MBD5: variants seen among roughly 807,000 people sequenced by gnomAD.
MBD5 encodes the protein methyl-CpG-binding domain protein 5.
A neutral mutation model predicts 117.3 loss-of-function variants in MBD5; 13 were observed. The ratio of observed to expected loss-of-function variants is 0.11; its 90% CI spans 0.07 to 0.18. MBD5 has a LOEUF of 0.18. Among genes scored for constraint, MBD5 ranks in the 10% least tolerant of loss-of-function variants. The probability of loss-of-function intolerance (pLI) is 1.00; values close to 1 mark genes in which losing one functional copy is unlikely to be tolerated. For synonymous variants in MBD5, 727 were observed against 766.4 expected (o/e 0.95, Z 0.85); for missense variants, 1,879 against 2,093.8 (o/e 0.90, Z 2.00).
intron 4 of MBD5, among the ~76,000 whole-genome samples, chr2:148,435,243 G>T (rs979505803): frequency 3.3e-5 from 5 of 151,772 alleles, no homozygotes; most frequent in African/African-American, 1.2e-4. Context: ...TTTTAATTGG[G>T]GCATTTCGTC....
intron 1 of MBD5, among the ~76,000 whole-genome samples, chr2:148,154,792 G>T: frequency 6.6e-6 from 1 of 152,218 alleles, no homozygotes; most frequent in Admixed American, 6.5e-5. Context: ...GCTTCGGCTC[G>T]CGCACGGTGC....
intron 3 of MBD5, among the ~76,000 whole-genome samples, chr2:148,245,850 A>G (rs570295543): frequency 1.3e-5 from 2 of 152,328 alleles, no homozygotes; most frequent in South Asian, 4.1e-4. Flanking sequence ...GACATTAAGT[A>G]AACTAAGAGG....
rs759004187 is a variant in MBD5, at chr2:148,462,699, A to G, written c.216+15A>G. 13 of 1,471,670 alleles carry G rather than the reference A, an allele frequency of 8.8e-6. No individual in the cohort carries two copies. The highest frequency in any genetic ancestry group is 5.7e-5 in the South Asian group (5 of 88,196). 91.2% of individuals were successfully genotyped at this position (1,471,670 alleles called of 1,614,324 possible). On this transcript the variant is annotated intron_variant, in intron 6 of 13. Transcript: ENST00000642680. The stretch of plus-strand genomic sequence containing the variant: ...TTCTTCCCAAGGTAACCATTTCACA[A>G]TAGATCTACAGCAGTGTTTTATTTT...
intron 1 of MBD5, among the ~76,000 whole-genome samples, chr2:148,158,980 C>A (rs551458304): frequency 6.6e-6 from 1 of 152,320 alleles, no homozygotes; most frequent in African/African-American, 2.4e-5. Flanking sequence ...CCTTGGCCTC[C>A]CAAAGTGCTG....
intron 2 of MBD5, among the ~76,000 whole-genome samples, chr2:148,206,138 TAG>T (rs534092377): frequency 6.8e-6 from 1 of 147,788 alleles, no homozygotes; most frequent in Non-Finnish European, 1.5e-5. Flanking sequence ...AAAAAAAAAA[TAG>T]AGAGACACAC....
intron 1 of MBD5, among the ~76,000 whole-genome samples, chr2:148,040,235 A>G (rs1326390709): frequency 2.6e-5 from 4 of 152,174 alleles, no homozygotes; most frequent in African/African-American, 9.7e-5. Context: ...ACATGGTGGC[A>G]CGAGCCTGTA....
At chr2:148,155,043 C>T (rs1319336352) in intron 1 of MBD5, among the ~76,000 whole-genome samples, 1 of 152,162 alleles carries the variant, frequency 6.6e-6, no homozygotes, top group East Asian at 1.9e-4. Flanking sequence ...ATATTTACCT[C>T]TCCAGAAAGG....
chr2:148,327,441 A>C (rs1702488434), intron 3 of MBD5, among the ~76,000 whole-genome samples: 1 of 151,898 alleles, frequency 6.6e-6, no homozygotes, highest in Non-Finnish European at 1.5e-5. Flanking sequence ...TTTCCTGCAG[A>C]GGGGGGGTTC....
At chr2:148,203,888 C>T (rs1574133063) in intron 2 of MBD5, among the ~76,000 whole-genome samples, 1 of 152,276 alleles carries the variant, frequency 6.6e-6, no homozygotes, top group Non-Finnish European at 1.5e-5. Flanking sequence ...CACTGCAGAG[C>T]CCTTTACCAT....
intron 4 of MBD5, among the ~76,000 whole-genome samples, chr2:148,397,689 A>G (rs1398080841): frequency 6.6e-6 from 1 of 152,068 alleles, no homozygotes; most frequent in Non-Finnish European, 1.5e-5. Context: ...TTCAGGGTAC[A>G]TGTGCACAAC....
At chr2:148,394,909 C>T (rs1237333455) in intron 4 of MBD5, among the ~76,000 whole-genome samples, 11 of 152,152 alleles carry the variant, frequency 7.2e-5, no homozygotes, top group Admixed American at 4.6e-4. Flanking sequence ...TTCCTAAGAT[C>T]AATGAAGTTT....
At chr2:148,174,748 T>C (rs189806169) in intron 1 of MBD5, among the ~76,000 whole-genome samples, 95 of 151,044 alleles carry the variant, frequency 6.3e-4, no homozygotes, top group South Asian at 1.0e-3. Flanking sequence ...TCTGTAATGA[T>C]ATATAATTTC....
intron 1 of MBD5, among the ~76,000 whole-genome samples, chr2:148,163,849 G>C (rs2105761044): frequency 6.6e-6 from 1 of 152,214 alleles, no homozygotes; most frequent in South Asian, 2.1e-4. Flanking sequence ...GTTGAGTTGA[G>C]ATAAAAACTG....
At chr2:148,443,974 T>C (rs1169776776) in intron 4 of MBD5, among the ~76,000 whole-genome samples, 1 of 151,448 alleles carries the variant, frequency 6.6e-6, no homozygotes, top group Non-Finnish European at 1.5e-5. Flanking sequence ...TTATTATGCA[T>C]TGCATGCCTA....
chr2:148,096,107 A>G (rs1375283712), intron 1 of MBD5, among the ~76,000 whole-genome samples: 1 of 152,238 alleles, frequency 6.6e-6, no homozygotes, highest in Non-Finnish European at 1.5e-5. Context: ...GAAAAAGGAA[A>G]TGACACAGAC....
chr2:148,401,285 C>T (rs544670526), intron 4 of MBD5, among the ~76,000 whole-genome samples: 54 of 152,072 alleles, frequency 3.6e-4, no homozygotes, highest in South Asian at 2.1e-3. Flanking sequence ...AGAAATCTTG[C>T]GGAGTTCAGC....
chr2:148,434,803 A>G (rs528511521), intron 4 of MBD5, among the ~76,000 whole-genome samples: 19 of 152,220 alleles, frequency 1.2e-4, no homozygotes, highest in Non-Finnish European at 2.2e-4. Context: ...AGTTCTGAAT[A>G]TCATTTTTAG....
At chr2:148,199,871 A>G (rs552346400) in intron 2 of MBD5, among the ~76,000 whole-genome samples, 1 of 152,326 alleles carries the variant, frequency 6.6e-6, no homozygotes, top group Admixed American at 6.5e-5. Flanking sequence ...AGAAACTATC[A>G]TATGCGGTAT....
At chr2:148,051,682 T>A (rs950346803) in intron 1 of MBD5, among the ~76,000 whole-genome samples, 1 of 151,710 alleles carries the variant, frequency 6.6e-6, no homozygotes, top group African/African-American at 2.4e-5. Flanking sequence ...TGTCATATGC[T>A]TTTTCTGCAT....
Sources: allele counts gnomAD v4.1 joint callset (sites outside exome capture counted in the v4.1 genomes callset), GRCh38; gene constraint gnomAD v4.1.1; transcripts MANE v1.5; gene names NCBI Gene and HGNC (gene_info 2026-07-23, HGNC 2026-07-21).